Variants in LRRC4C observed in about 807,000 individuals in gnomAD.
The protein encoded by LRRC4C is leucine rich repeat containing 4C.
In LRRC4C, 5 loss-of-function variants were observed where a neutral mutation model predicts 33.6. The ratio of observed to expected loss-of-function variants is 0.15; its 90% confidence interval spans 0.08 to 0.31. The LOEUF is 0.31. Among genes scored for constraint, LRRC4C ranks in the 10% least tolerant of loss-of-function variants. LRRC4C has a pLI of 1.00. For missense variants in LRRC4C, 560 were observed against 796.7 expected, an observed-to-expected ratio of 0.70 and a Z score of 3.58; for synonymous variants, 329 against 302.0, an observed-to-expected ratio of 1.09 and a Z score of -0.93.
intron 3 of LRRC4C, among the ~76,000 whole-genome samples, chr11:40,599,109 C>T (rs1448341688): frequency 6.6e-6 from 1 of 152,072 alleles, no homozygotes; most frequent in Non-Finnish European, 1.5e-5. Context: ...ACCCATAGAT[C>T]TTTACTTAGA....
rs1283643555 is a variant in LRRC4C, at chr11:41,209,910, G to A, written c.-496+249521C>T. Among the ~76,000 whole-genome samples the A allele has an allele frequency of 3.9e-5, 6 of 152,270 alleles. No individual in the cohort carries two copies. In the East Asian group the frequency reaches 9.7e-4, roughly 25 times the overall value. ...ATTAAGGTTAAAAGTTGTCTTAAGA[G>A]TGGGGCTTCAATCAGATAGGACTCG... On this transcript the variant is annotated intron_variant, in intron 1 of 6. Transcript: ENST00000528697.
chr11:40,501,742 G>A (rs1954784058), intron 3 of LRRC4C, among the ~76,000 whole-genome samples: 1 of 152,124 alleles, frequency 6.6e-6, no homozygotes, highest in South Asian at 2.1e-4. Context: ...GGGAGGGGCT[G>A]CCACGAAGGT....
chr11:41,243,755 A>G (rs1948342839), intron 1 of LRRC4C, among the ~76,000 whole-genome samples: 1 of 152,144 alleles, frequency 6.6e-6, no homozygotes, highest in Non-Finnish European at 1.5e-5. Flanking sequence ...GTTTTCTGAA[A>G]GAATTTGGAG....
intron 1 of LRRC4C, among the ~76,000 whole-genome samples, chr11:40,987,097 A>T (rs1428390012): frequency 6.6e-6 from 1 of 152,204 alleles, no homozygotes; most frequent in Non-Finnish European, 1.5e-5. Flanking sequence ...AATTAATGTC[A>T]TACCTGAACA....
chr11:40,897,821 AC>A (rs1166498904), intron 2 of LRRC4C, among the ~76,000 whole-genome samples: 1 of 152,112 alleles, frequency 6.6e-6, no homozygotes, highest in African/African-American at 2.4e-5. Context: ...CCTCTGTAAA[AC>A]ATACTGATTG....
At chr11:40,201,627 C>T (rs920809733) in intron 5 of LRRC4C, among the ~76,000 whole-genome samples, 6 of 152,090 alleles carry the variant, frequency 3.9e-5, no homozygotes, top group Non-Finnish European at 7.4e-5. Flanking sequence ...CCCATGGAAG[C>T]GCAGATGTAA....
chr11:41,160,085 C>T (rs901421738), intron 1 of LRRC4C, among the ~76,000 whole-genome samples: 2 of 151,960 alleles, frequency 1.3e-5, no homozygotes, highest in Non-Finnish European at 2.9e-5. Context: ...AAAGTGGTTA[C>T]ATCCAGGTAG....
At chr11:40,509,028 A>G (rs1290307595) in intron 3 of LRRC4C, among the ~76,000 whole-genome samples, 2 of 152,194 alleles carry the variant, frequency 1.3e-5, no homozygotes, top group African/African-American at 4.8e-5. Context: ...ATATGTTGAC[A>G]TGTCTTAAAA....
chr11:40,652,001 A>G (rs1007478799), intron 2 of LRRC4C, among the ~76,000 whole-genome samples: 1 of 152,118 alleles, frequency 6.6e-6, no homozygotes, highest in Non-Finnish European at 1.5e-5. Flanking sequence ...TTTGAATTTG[A>G]TCTTTTGACC....
chr11:41,308,822 TAGAC>T (rs1312919239), intron 1 of LRRC4C, among the ~76,000 whole-genome samples: 4 of 151,810 alleles, frequency 2.6e-5, no homozygotes, highest in African/African-American at 9.7e-5. Flanking sequence ...TTTTTTTTTT[TAGAC>T]AGAGTTTTGC....
At chr11:40,897,683 A>G (rs1389137006) in intron 2 of LRRC4C, among the ~76,000 whole-genome samples, 1 of 152,234 alleles carries the variant, frequency 6.6e-6, no homozygotes, top group Non-Finnish European at 1.5e-5. Context: ...TGCTAACGAT[A>G]GAAAAAGCAA....
chr11:40,362,421 A>T (rs1745657511), intron 3 of LRRC4C, among the ~76,000 whole-genome samples: 1 of 152,152 alleles, frequency 6.6e-6, no homozygotes, highest in Admixed American at 6.6e-5. Context: ...TTACAAGAAA[A>T]AAAAACATTA....
chr11:40,987,357 C>T (rs560501235), intron 1 of LRRC4C, among the ~76,000 whole-genome samples: 6 of 152,200 alleles, frequency 3.9e-5, no homozygotes, highest in African/African-American at 1.4e-4. Flanking sequence ...AAAACAGAAA[C>T]TGAGAGTTTA....
intron 3 of LRRC4C, among the ~76,000 whole-genome samples, chr11:40,320,987 T>C (rs1178385502): frequency 6.6e-6 from 1 of 152,200 alleles, no homozygotes; most frequent in Non-Finnish European, 1.5e-5. Context: ...GAAAAAAAAT[T>C]AATTATCTAC....
intron 1 of LRRC4C, among the ~76,000 whole-genome samples, chr11:41,242,666 G>A (rs2136563425): frequency 6.6e-6 from 1 of 152,234 alleles, no homozygotes; most frequent in South Asian, 2.1e-4. Context: ...CTATCTGTCT[G>A]TCTGTCTCCC....
intron 1 of LRRC4C, among the ~76,000 whole-genome samples, chr11:41,224,297 A>G (rs991247275): frequency 2.0e-5 from 3 of 152,182 alleles, no homozygotes; most frequent in African/African-American, 4.8e-5. Flanking sequence ...TTCATTGCCA[A>G]TAAGAGAAAT....
intron 2 of LRRC4C, among the ~76,000 whole-genome samples, chr11:40,856,100 A>G (rs945474821): frequency 2.0e-5 from 3 of 152,152 alleles, no homozygotes; most frequent in Non-Finnish European, 4.4e-5. Context: ...TGAAACCTCT[A>G]TTCTAAAGTT....
intron 1 of LRRC4C, among the ~76,000 whole-genome samples, chr11:41,413,194 G>A (rs1954554846): frequency 1.3e-5 from 2 of 152,050 alleles, no homozygotes; most frequent in Admixed American, 1.3e-4. Flanking sequence ...ACAAGGAATG[G>A]AAAAAGTCTC....
Position 41,048,564 on chromosome 11 carries a change from G to A in LRRC4C, c.-495-114841C>T, listed in dbSNP as rs528970459. Among the ~76,000 whole-genome samples, 6 of 151,996 alleles carry A rather than the reference G, an allele frequency of 3.9e-5. No homozygotes were observed. The South Asian group carries it at 8.3e-4, about 21-fold the overall frequency. On this transcript the variant is annotated intron_variant, in intron 1 of 6. Transcript: ENST00000528697. ...AGGCGTGAGCCACTGCGCCCAGCCC[G>A]ATTCTGTATTTTTTAAAAATTTTTT...
Sources: gnomAD v4.1 joint callset for allele counts (sites outside exome capture counted in the v4.1 genomes callset) on GRCh38, gnomAD v4.1.1 for gene constraint, MANE v1.5 for transcripts, NCBI Gene and HGNC (gene_info 2026-07-23, HGNC 2026-07-21) for gene names.